PHTF2: variants seen among roughly 807,000 people sequenced by gnomAD.
The protein encoded by PHTF2 is putative homeodomain transcription factor 2.
In PHTF2, 60 loss-of-function variants were observed where a neutral mutation model predicts 101.2. That is an observed-to-expected ratio of 0.59 (90% CI 0.48 to 0.73). The LOEUF (loss-of-function observed/expected upper bound fraction) is 0.73. PHTF2 is among the 30% of genes least tolerant of loss of function. The pLI is 0.00. For missense variants in PHTF2, 747 were observed against 908.7 expected (o/e 0.82, Z 2.29); for synonymous variants, 311 against 307.3 (o/e 1.01, Z -0.13).
At chr7:77,827,497 G>A (rs1794772108) in intron 1 of PHTF2, among the ~76,000 whole-genome samples, 1 of 152,070 alleles carries the variant, frequency 6.6e-6, no homozygotes, top group African/African-American at 2.4e-5. Flanking sequence ...GGGATTACAG[G>A]CACCTGCCAC....
chr7:77,925,469 G>T (rs973235111), intron 11 of PHTF2, among the ~76,000 whole-genome samples: 1 of 140,716 alleles, frequency 7.1e-6, no homozygotes, highest in Non-Finnish European at 1.5e-5. Flanking sequence ...TTGAAATTTA[G>T]GCAATTATAG....
At chr7:77,829,141 A>G (rs1156377947) in intron 1 of PHTF2, among the ~76,000 whole-genome samples, 1 of 152,218 alleles carries the variant, frequency 6.6e-6, no homozygotes, top group Non-Finnish European at 1.5e-5. Flanking sequence ...TGATTTCACC[A>G]TTGAACTCCA....
At chr7:77,817,912 A>G (rs1793977161) in intron 1 of PHTF2, among the ~76,000 whole-genome samples, 1 of 152,040 alleles carries the variant, frequency 6.6e-6, no homozygotes, top group African/African-American at 2.4e-5. Flanking sequence ...GGTCGAGACC[A>G]GCCTGACCAA....
At chr7:77,846,366 T>A (rs1479593808) in intron 2 of PHTF2, among the ~76,000 whole-genome samples, 1 of 152,160 alleles carries the variant, frequency 6.6e-6, no homozygotes, top group African/African-American at 2.4e-5. Flanking sequence ...GTCTCTCACA[T>A]CCTAAAAACA....
At chr7:77,931,130 A>G (rs1288563064) in intron 12 of PHTF2, among the ~76,000 whole-genome samples, 3 of 152,228 alleles carry the variant, frequency 2.0e-5, no homozygotes. Context: ...TTTATTCCAA[A>G]TAGTTTCTAA....
At chr7:77,854,144 C>A (rs1584494290) in intron 2 of PHTF2, among the ~76,000 whole-genome samples, 1 of 152,222 alleles carries the variant, frequency 6.6e-6, no homozygotes, top group African/African-American at 2.4e-5. Context: ...TTGGTCACTG[C>A]AGCCATGTCT....
At chr7:77,863,640 A>G (rs750757093) in intron 3 of PHTF2, among the ~76,000 whole-genome samples, 7 of 151,656 alleles carry the variant, frequency 4.6e-5, no homozygotes, top group Admixed American at 6.6e-5. Flanking sequence ...TTTATTACAC[A>G]TGGATTATTA....
chr7:77,876,749 A>G (rs1014852807), intron 3 of PHTF2, among the ~76,000 whole-genome samples: 1 of 152,132 alleles, frequency 6.6e-6, no homozygotes, highest in African/African-American at 2.4e-5. Context: ...AAAATAAAAT[A>G]AAATAAATTA....
intron 12 of PHTF2, 111 bp downstream of exon 11, chr7:77,929,438 A>G: frequency 1.6e-6 from 1 of 617,534 alleles, no homozygotes; most frequent in Non-Finnish European, 2.8e-6. Context: ...ATATTTCTAT[A>G]ATTTTTTTTC....
chr7:77,917,716 T>G (rs554267853), intron 9 of PHTF2, among the ~76,000 whole-genome samples: 68 of 152,318 alleles, frequency 4.5e-4, no homozygotes, highest in Middle Eastern at 3.4e-3. Context: ...TGGGCTTCCA[T>G]TATTGACTAT....
intron 2 of PHTF2, among the ~76,000 whole-genome samples, chr7:77,853,505 T>G (rs1796930371): frequency 6.6e-6 from 1 of 152,060 alleles, no homozygotes. Flanking sequence ...GCAATTCTCG[T>G]GCCTCAGCCT....
exon 14 of PHTF2, chr7:77,940,116 A>G (rs1562969394): frequency 6.2e-7 from 1 of 1,613,832 alleles, no homozygotes; most frequent in Non-Finnish European, 8.5e-7. Flanking sequence ...TTGTTTTCCG[A>G]CTTTCTCAAG....
chr7:77,949,643 A>G (rs1438424536), intron 16 of PHTF2, 35 bp from the exon 16 acceptor site: 2 of 1,274,794 alleles, frequency 1.6e-6, no homozygotes, highest in East Asian at 2.4e-5. Context: ...TTTGAATCAC[A>G]TTGCTGCTTT....
chr7:77,906,922 G>A (rs1801914138), intron 7 of PHTF2, among the ~76,000 whole-genome samples: 1 of 107,938 alleles, frequency 9.3e-6, no homozygotes, highest in Non-Finnish European at 1.8e-5. Context: ...AAAATTAAGA[G>A]TTAATGGTAG....
At chr7:77,893,785 TAAAG>T (rs1263251050) in intron 4 of PHTF2, 121 bp downstream of exon 3, 1 of 619,158 alleles carries the variant, frequency 1.6e-6, no homozygotes, top group African/African-American at 1.8e-5. Flanking sequence ...TTGAAGCTTT[TAAAG>T]AAAGAAGTAA....
At chr7:77,835,720 C>G (rs1795405001) in intron 1 of PHTF2, among the ~76,000 whole-genome samples, 1 of 152,042 alleles carries the variant, frequency 6.6e-6, no homozygotes, top group Non-Finnish European at 1.5e-5. Context: ...GACAGGAAGT[C>G]TTACTAATAA....
chr7:77,848,321 G>A (rs990124157), intron 2 of PHTF2, among the ~76,000 whole-genome samples: 1 of 152,098 alleles, frequency 6.6e-6, no homozygotes, highest in African/African-American at 2.4e-5. Flanking sequence ...TTGCATTCCT[G>A]TCAACGATGT....
chr7:77,910,207 T>C (rs372001229), intron 8 of PHTF2, 38 bp from the exon 8 acceptor site: 2 of 1,571,300 alleles, frequency 1.3e-6, no homozygotes, highest in African/African-American at 2.7e-5. Context: ...TATTAAAATA[T>C]TAAAGCTGCC....
chr7:77,826,517 C>T (rs192745323), intron 1 of PHTF2, among the ~76,000 whole-genome samples: 2 of 152,218 alleles, frequency 1.3e-5, no homozygotes, highest in East Asian at 1.9e-4. Context: ...CTCAATGTCA[C>T]TGTCCATGGT....
Sources: gnomAD v4.1 joint callset for allele counts (sites outside exome capture counted in the v4.1 genomes callset) on GRCh38, gnomAD v4.1.1 for gene constraint, MANE v1.5 for transcripts, NCBI Gene and HGNC (gene_info 2026-07-23, HGNC 2026-07-21) for gene names.